Variants in DDA1 observed in about 807,000 individuals in gnomAD.
The protein encoded by DDA1 is DET1 and DDB1 associated 1.
In DDA1, 3 loss-of-function variants were observed where a neutral mutation model predicts 18.6. That is an observed-to-expected ratio of 0.16 (90% CI 0.07 to 0.42). The LOEUF is 0.42. DDA1 is among the 10% of genes least tolerant of loss of function. The pLI, the probability that DDA1 is intolerant of heterozygous loss-of-function variation, is 0.99. For missense variants in DDA1, 105 were observed against 138.2 expected, an observed-to-expected ratio of 0.76 and a Z score of 1.20; for synonymous variants, 52 against 54.0, an observed-to-expected ratio of 0.96 and a Z score of 0.17.
rs763126558 is a variant in DDA1 at position 17,314,262 on chromosome 19, G to A, written c.85-76G>A. ...TGTCTTCCAATCTGCACTGAAGGGT[G>A]GGTGCTGAGTGGAGGGATGAGGAGA... On this transcript the variant is annotated intron_variant, in intron 2 of 4. Transcript: ENST00000359866. The surrounding 1 kb of genome is among the most constrained non-coding windows in gnomAD (Gnocchi z 4.6). 11 of 1,586,156 alleles carry A rather than the reference G, an allele frequency of 6.9e-6. No homozygotes were observed. The highest frequency in any genetic ancestry group is 1.3e-5 in the African/African-American group (1 of 74,284).
In DDA1 at chr19:17,319,685, C is replaced by T. The variant is rs1301953293; in HGVS notation, c.*29C>T. The T allele has an allele frequency of 3.2e-6, 5 of 1,544,086 alleles. No individual in the cohort carries two copies. The highest frequency in any genetic ancestry group is 4.4e-6 in the Non-Finnish European group (5 of 1,141,070). ...TCTCAACTCCACAGGCGCCTCCTGC[C>T]AGGTCTGCTCCTCGGTCGCCCACCC... On this transcript the variant is annotated 3_prime_UTR_variant, in exon 5 of 5. Coordinates refer to ENST00000359866, the MANE Select transcript of DDA1 (RefSeq NM_024050.6).
Position 17,315,939 on chromosome 19 carries a change from G to A in DDA1, c.142G>A (p.Val48Met). 1 of 1,614,140 alleles carries A rather than the reference G, an allele frequency of 6.2e-7. No homozygotes were observed. The highest frequency in any genetic ancestry group is 8.5e-7 in the Non-Finnish European group (1 of 1,180,016). Reference protein sequence around the residue: ...TREYPSEQIIVTEKTNILLRY... With the variant: ...TREYPSEQIIMTEKTNILLRY... ...TCTCTATCTTTCCTCCTTAGTCATC[G>A]TGACAGAAAAGACAAACATCCTCCT... The change falls in exon 4 of 5, where the codon GTG becomes ATG. Residue 48 changes from valine (V) to methionine (M), a missense_variant. Coordinates refer to ENST00000359866, the MANE Select transcript of DDA1 (RefSeq NM_024050.6).
intron 4 of DDA1, 116 bp downstream of exon 4, chr19:17,316,111 G>T: frequency 8.2e-7 from 1 of 1,214,898 alleles, no homozygotes; most frequent in Non-Finnish European, 1.2e-6. Context: ...TTGAGGGCTG[G>T]GTAGGAGTGC....
At chr19:17,317,485 C>A (rs2074219294) in intron 4 of DDA1, among the ~76,000 whole-genome samples, 1 of 151,510 alleles carries the variant, frequency 6.6e-6, no homozygotes, top group African/African-American at 2.4e-5. Context: ...CCACTGCACT[C>A]CAGCCTGGGC....
chr19:17,314,617 A>T lies in DDA1; in HGVS notation c.136+228A>T, dbSNP rs1599534093. On this transcript the variant is annotated intron_variant, in intron 3 of 4. Transcript: ENST00000359866. This position sits in a 1 kb window ranked among gnomAD's most constrained non-coding sequence, Gnocchi z 4.6. ...GGGATGCACACGTGGATGCCTGTCC[A>T]CTCCCAGCCCCTGGGGACAGCCAGA... 3.5e-6 allele frequency: 2 copies of T among 564,122 alleles called. No homozygotes were observed. The allele number at this position is 564,122 out of a possible 1,614,324, so 34.9% of individuals were successfully genotyped here.
In DDA1 at chr19:17,323,296, A is replaced by C. The variant is rs566720478; in HGVS notation, c.*3640A>C. The C allele has an allele frequency of 1.5e-5, 5 of 326,336 alleles. No homozygotes were observed. In the East Asian group the frequency reaches 2.2e-4, roughly 14 times the overall value. 20.2% of individuals were successfully genotyped at this position (326,336 alleles called of 1,614,324 possible). A position where few individuals can be genotyped will look rare whatever the true frequency, so the allele number is the denominator to read the frequency against. On this transcript the variant is annotated 3_prime_UTR_variant, in exon 5 of 5. Transcript: ENST00000359866. ...ATGACAAAATAAATTAAAAACAAAT[A>C]AATAATCGCCTGTTCTGTGTGTGTG...
At position 17,320,021 on chromosome 19, in the gene DDA1, C is replaced by T. The variant is rs2074232376; in HGVS notation, c.*365C>T. On this transcript the variant is annotated 3_prime_UTR_variant, in exon 5 of 5. Coordinates refer to ENST00000359866, the MANE Select transcript of DDA1 (RefSeq NM_024050.6). ...TGTCTGTGAGAGTCTCTAGCGGGGG[C>T]TTTACTGTGGCCGGGCGACAGGGGC... 1 of 196,024 alleles carries T rather than the reference C, an allele frequency of 5.1e-6. No homozygotes were observed. The highest frequency in any genetic ancestry group is 1.1e-5 in the Non-Finnish European group (1 of 94,882). 12.1% of individuals were successfully genotyped at this position (196,024 alleles called of 1,614,324 possible).
At chr19:17,316,053 G>C in intron 4 of DDA1, 58 bp downstream of exon 4, 1 of 1,579,034 alleles carries the variant, frequency 6.3e-7, no homozygotes, top group Admixed American at 1.7e-5. Flanking sequence ...TGGGCACCTG[G>C]CAGGGGCTTC....
rs1016731969 is a variant in DDA1 at position 17,320,479 on chromosome 19, T to G, written c.*823T>G. 2.6e-5 allele frequency: 4 copies of G among 152,366 alleles called. No homozygotes were observed. The highest frequency in any genetic ancestry group is 2.6e-4 in the Admixed American group (4 of 15,280). 9.4% of individuals were successfully genotyped at this position (152,366 alleles called of 1,614,324 possible). A position where few individuals can be genotyped will look rare whatever the true frequency, so the allele number is the denominator to read the frequency against. ...CAAGACCTGCCTGGACCATCCCCTC[T>G]GCCTCTCCTGTCAAGGTGACCCCAA... On this transcript the variant is annotated 3_prime_UTR_variant, in exon 5 of 5. Coordinates refer to ENST00000359866, the MANE Select transcript of DDA1 (RefSeq NM_024050.6).
rs1286465561 is a variant in DDA1, at chr19:17,320,578, C to G, written c.*922C>G. On this transcript the variant is annotated 3_prime_UTR_variant, in exon 5 of 5. Coordinates refer to ENST00000359866, the MANE Select transcript of DDA1 (RefSeq NM_024050.6). Reference sequence around the variant, plus strand: ...GGTCAGCCCCCTGCCTGGGATACCGCCAAGCAGGGCAGCGCACCTGTCAGA... The same window carrying G: ...GGTCAGCCCCCTGCCTGGGATACCGGCAAGCAGGGCAGCGCACCTGTCAGA... The G allele has an allele frequency of 6.6e-6, 1 of 152,442 alleles. No homozygotes were observed. The highest frequency in any genetic ancestry group is 1.5e-5 in the Non-Finnish European group (1 of 68,172). 9.4% of individuals were successfully genotyped at this position (152,442 alleles called of 1,614,324 possible). A position where few individuals can be genotyped will look rare whatever the true frequency, so the allele number is the denominator to read the frequency against.
At chr19:17,319,523 CCT>C in intron 4 of DDA1, 21 bp from the exon 5 acceptor site, 3 of 1,549,688 alleles carry the variant, frequency 1.9e-6, no homozygotes, top group Non-Finnish European at 2.6e-6. Context: ...ACTCACAGCC[CCT>C]CTCTTTTCCC....
chr19:17,318,816 C>A (rs1405589074), intron 4 of DDA1, among the ~76,000 whole-genome samples: 1 of 152,094 alleles, frequency 6.6e-6, no homozygotes, highest in Non-Finnish European at 1.5e-5. Flanking sequence ...CAGGCATGAG[C>A]CACCGCGCCT....
chr19:17,312,585 C>T (rs1171546468), intron 1 of DDA1, among the ~76,000 whole-genome samples: 2 of 152,138 alleles, frequency 1.3e-5, no homozygotes, highest in Non-Finnish European at 2.9e-5. Flanking sequence ...TGCATCCCTG[C>T]GTCTGGGCAG....
Position 17,321,711 on chromosome 19 carries a change from G to A in DDA1, c.*2055G>A, listed in dbSNP as rs548647595. The A allele has an allele frequency of 6.6e-6, 1 of 152,412 alleles. No individual in the cohort carries two copies. The highest frequency in any genetic ancestry group is 2.4e-5 in the African/African-American group (1 of 41,582). 9.4% of individuals were successfully genotyped at this position (152,412 alleles called of 1,614,324 possible). A position where few individuals can be genotyped will look rare whatever the true frequency, so the allele number is the denominator to read the frequency against. ...GCCTGTGTCAGACCCTCGGGCCTAG[G>A]CGGCCCATCTCTCCCAAGGACGGAG... On this transcript the variant is annotated 3_prime_UTR_variant, in exon 5 of 5. Transcript: ENST00000359866.
intron 1 of DDA1, among the ~76,000 whole-genome samples, chr19:17,312,168 G>T (rs1397201303): frequency 6.6e-6 from 1 of 152,152 alleles, no homozygotes; most frequent in East Asian, 1.9e-4. Context: ...CCAGGGACGG[G>T]CTAAGCCAGG....
Position 17,319,706 on chromosome 19 carries a change from C to T in DDA1, c.*50C>T. 1 of 1,513,854 alleles carries T rather than the reference C, an allele frequency of 6.6e-7. No individual in the cohort carries two copies. Among genetic ancestry groups the T allele is most frequent in the South Asian group, 1.2e-5 (1 of 82,466 alleles). 93.8% of individuals were successfully genotyped at this position (1,513,854 alleles called of 1,614,324 possible). A position where few individuals can be genotyped will look rare whatever the true frequency, so the allele number is the denominator to read the frequency against. On this transcript the variant is annotated 3_prime_UTR_variant, in exon 5 of 5. Coordinates refer to ENST00000359866, the MANE Select transcript of DDA1 (RefSeq NM_024050.6). ...CTGCCAGGTCTGCTCCTCGGTCGCC[C>T]ACCCGCCTGCCCGCCATGTGTAAGC...
intron 3 of DDA1, among the ~76,000 whole-genome samples, chr19:17,315,431 T>C (rs943161293): frequency 0.12 from 12,076 of 98,478 alleles, 1,195 homozygotes; most frequent in Middle Eastern, 0.19. Context: ...TGTGTGTGCA[T>C]ATATATATAT....
rs776859041 is a variant in DDA1 at position 17,315,961 on chromosome 19, T to A, written c.164T>A (p.Leu55His). The A allele has an allele frequency of 6.2e-7, 1 of 1,614,106 alleles. No individual in the cohort carries two copies. The highest frequency in any genetic ancestry group is 2.2e-5 in the East Asian group (1 of 44,890). The part of the protein sequence containing the change: ...QIIVTEKTNI[L>H]LRYLHQQWDK... ...ATCGTGACAGAAAAGACAAACATCC[T>A]CCTGCGCTACCTGCATCAGCAATGG... The change falls in exon 4 of 5, where the codon CTC (leucine) becomes CAC (histidine). Residue 55 changes from leucine (L) to histidine (H), a missense_variant. Physicochemically the swap from Leu to His is moderately conservative, Grantham distance 99 (BLOSUM62 -3). Around this residue, in one of 2 missense-constraint regions of DDA1, gnomAD observed 43 missense variants for 82.3 expected, o/e 0.52. Coordinates refer to ENST00000359866, the MANE Select transcript of DDA1 (RefSeq NM_024050.6).
chr19:17,315,429 CATATATATAT>C (rs56662339), intron 3 of DDA1, among the ~76,000 whole-genome samples: 1 of 52,040 alleles, frequency 1.9e-5, no homozygotes, highest in Non-Finnish European at 4.2e-5. Context: ...TGTGTGTGTG[CATATATATAT>C]ATATATATAT....
Sources: allele counts gnomAD v4.1 joint callset (sites outside exome capture counted in the v4.1 genomes callset), GRCh38; gene constraint gnomAD v4.1.1; regional missense constraint gnomAD v4.1.1; non-coding constraint Gnocchi (gnomAD v3.1); transcripts MANE v1.5; gene names NCBI Gene and HGNC (gene_info 2026-07-23, HGNC 2026-07-21).